Variants in KDM6A observed in about 807,000 individuals in gnomAD.
KDM6A encodes lysine-specific demethylase 6A.
A neutral mutation model predicts 117.6 loss-of-function variants in KDM6A; 11 were observed. The ratio of observed to expected loss-of-function variants is 0.09; its 90% confidence interval spans 0.06 to 0.15. KDM6A has a LOEUF of 0.15. Among genes scored for constraint, KDM6A ranks in the 10% least tolerant of loss-of-function variants. The pLI is 1.00. For missense variants in KDM6A, 799 were observed against 1,077.3 expected (o/e 0.74, Z 3.62); for synonymous variants, 384 against 396.1 (o/e 0.97, Z 0.36).
chrX:45,061,483 ATTT>A (rs1161774144), intron 15 of KDM6A, 64 bp downstream of exon 15: 2,534 of 227,913 alleles, frequency 0.011, no homozygotes, highest in East Asian at 0.018. Context: ...ACAAGTATTA[ATTT>A]TTTTTTTTTT....
At chrX:44,877,516 A>G (rs1321206079) in intron 2 of KDM6A, among the ~76,000 whole-genome samples, 1 of 107,146 alleles carries the variant, frequency 9.3e-6, no homozygotes, top group Non-Finnish European at 1.9e-5. Context: ...TTTTTAGTAC[A>G]TTTTTGAAAA....
intron 2 of KDM6A, among the ~76,000 whole-genome samples, chrX:44,956,464 A>G (rs1483479959): frequency 4.5e-5 from 5 of 110,294 alleles, no homozygotes; most frequent in African/African-American, 1.3e-4. Context: ...CAGTGGTGCA[A>G]TCATGGCTCA....
At chrX:45,060,499 C>T (rs900705134) in intron 13 of KDM6A, 110 bp from the exon 14 acceptor site, 7 of 584,918 alleles carry the variant, frequency 1.2e-5, no homozygotes, top group Admixed American at 9.1e-5. Context: ...TTGCAATCAG[C>T]GATGTCCACA....
At chrX:44,943,510 C>A (rs1056366227) in intron 2 of KDM6A, among the ~76,000 whole-genome samples, 2 of 111,944 alleles carry the variant, frequency 1.8e-5, no homozygotes, top group African/African-American at 6.5e-5. Flanking sequence ...TAATTTCACT[C>A]ATTTTATGTA....
chrX:44,951,197 T>C (rs2037981150), intron 2 of KDM6A, among the ~76,000 whole-genome samples: 1 of 111,427 alleles, frequency 9.0e-6, no homozygotes, highest in Non-Finnish European at 1.9e-5. Context: ...TGTGCAGAGG[T>C]AAAATTGCTT....
rs192231049 is a variant in KDM6A, at chrX:44,919,126, C to T, written c.226-42158C>T. Reference sequence around the variant, plus strand: ...ACAGAGCATTCCTGCACTCAGTTTACCTTGTTATCAGTATCTTAGTATGAT... The same window carrying T: ...ACAGAGCATTCCTGCACTCAGTTTATCTTGTTATCAGTATCTTAGTATGAT... On this transcript the variant is annotated intron_variant, in intron 2 of 29. Coordinates refer to ENST00000611820, the MANE Select transcript of KDM6A (RefSeq NM_001291415.2). 2.0e-4 allele frequency among the ~76,000 whole-genome samples: 22 copies of T among 111,714 alleles called. No homozygotes were observed. In the East Asian group the frequency reaches 6.2e-3, roughly 31 times the overall value.
intron 7 of KDM6A, 87 bp downstream of exon 7, chrX:45,035,072 C>A: frequency 1.2e-6 from 1 of 811,138 alleles, no homozygotes; most frequent in Non-Finnish European, 1.9e-6. Flanking sequence ...AAATTCTGTG[C>A]AATTTTTTCT....
chrX:45,053,212 T>C (rs986009815), intron 9 of KDM6A, among the ~76,000 whole-genome samples: 4 of 111,272 alleles, frequency 3.6e-5, no homozygotes, highest in African/African-American at 1.3e-4. Flanking sequence ...GGTGGGTGAA[T>C]CACATGATCA....
intron 3 of KDM6A, among the ~76,000 whole-genome samples, chrX:44,971,863 C>CGCA (rs1400678770): frequency 1.8e-5 from 2 of 111,005 alleles, no homozygotes; most frequent in Non-Finnish European, 3.8e-5. Context: ...GTTTGCTTAT[C>CGCA]GCAGCAAGGT....
chrX:45,105,429 G>C (rs148474244), intron 27 of KDM6A, among the ~76,000 whole-genome samples: 71 of 111,177 alleles, frequency 6.4e-4, no homozygotes, highest in African/African-American at 2.2e-3. Flanking sequence ...CCATGTGGAA[G>C]GACAGTTGAG....
rs1166019308 is a variant in KDM6A at position 45,046,826 on chromosome X, C to G, written c.655-4883C>G. On this transcript the variant is annotated intron_variant, in intron 8 of 29. Coordinates refer to ENST00000611820, the MANE Select transcript of KDM6A (RefSeq NM_001291415.2). ...AAATTAGTGAAATATCCTAGAAAGC[C>G]CAGGAATAGACCCAAGTACATGTAG... is the stretch of plus-strand genomic sequence containing the variant. Among the ~76,000 whole-genome samples the G allele has an allele frequency of 3.6e-5, 4 of 111,035 alleles. No homozygotes were observed. The Admixed American group carries it at 3.8e-4, about 11-fold the overall frequency.
intron 2 of KDM6A, among the ~76,000 whole-genome samples, chrX:44,888,343 C>G (rs778317416): frequency 3.6e-5 from 4 of 111,979 alleles, no homozygotes; most frequent in Non-Finnish European, 7.5e-5. Context: ...GTTTTAGGAC[C>G]TGCTGTGTAT....
At chrX:45,093,535 G>GA (rs1199477079) in intron 27 of KDM6A, among the ~76,000 whole-genome samples, 1 of 110,959 alleles carries the variant, frequency 9.0e-6, no homozygotes. Flanking sequence ...TAAAAATAGA[G>GA]AGAGGGGGTC....
Position 44,971,373 on chromosome X carries a change from T to A in KDM6A, c.335-3293T>A, listed in dbSNP as rs765544983. 3.6e-5 allele frequency among the ~76,000 whole-genome samples: 4 copies of A among 112,014 alleles called. No homozygotes were observed. In the South Asian group the frequency reaches 1.5e-3, roughly 42 times the overall value. On this transcript the variant is annotated intron_variant, in intron 3 of 29. Transcript: ENST00000611820. Reference sequence around the variant, plus strand: ...GATGAGCATTATTCATATGTAAAAGTTATTTTTTCAGATATGTGATGATGT... The same window carrying A: ...GATGAGCATTATTCATATGTAAAAGATATTTTTTCAGATATGTGATGATGT...
chrX:45,064,868 AT>A (rs1190408199), intron 17 of KDM6A, among the ~76,000 whole-genome samples: 6 of 112,078 alleles, frequency 5.4e-5, no homozygotes, highest in Non-Finnish European at 1.1e-4. Flanking sequence ...TACTTTATTC[AT>A]TCTTAGAGAA....
At chrX:45,082,114 A>G (rs1253287983) in intron 21 of KDM6A, among the ~76,000 whole-genome samples, 1 of 109,215 alleles carries the variant, frequency 9.2e-6, no homozygotes, top group Non-Finnish European at 1.9e-5. Flanking sequence ...TGGTGTTTGA[A>G]GAAATTTTCA....
At chrX:45,089,458 G>A (rs1417254379) in intron 25 of KDM6A, among the ~76,000 whole-genome samples, 1 of 108,170 alleles carries the variant, frequency 9.2e-6, no homozygotes, top group East Asian at 2.9e-4. Flanking sequence ...CCCAGGAGGC[G>A]GAGGTTGCAG....
chrX:45,012,197 A>AT (rs760991442), intron 5 of KDM6A, among the ~76,000 whole-genome samples: 7,857 of 68,953 alleles, frequency 0.11, 772 homozygotes, highest in Non-Finnish European at 0.15. Context: ...CCCAATGTAG[A>AT]TTTTTTTTTT....
At chrX:45,056,130 C>T (rs1176887920) in intron 10 of KDM6A, among the ~76,000 whole-genome samples, 1 of 111,258 alleles carries the variant, frequency 9.0e-6, no homozygotes, top group Non-Finnish European at 1.9e-5. Flanking sequence ...ATAAAGGATA[C>T]TTATCACAAT....
Sources: gnomAD v4.1 joint callset for allele counts (sites outside exome capture counted in the v4.1 genomes callset) on GRCh38, gnomAD v4.1.1 for gene constraint, MANE v1.5 for transcripts, NCBI Gene and HGNC (gene_info 2026-07-23, HGNC 2026-07-21) for gene names.